DSCAML1: variants seen among roughly 807,000 people sequenced by gnomAD.
The protein encoded by DSCAML1 is cell adhesion molecule DSCAML1.
A neutral mutation model predicts 200.5 loss-of-function variants in DSCAML1; 38 were observed. The ratio of observed to expected loss-of-function variants is 0.19; its 90% confidence interval spans 0.15 to 0.25. The LOEUF (loss-of-function observed/expected upper bound fraction) is 0.25. DSCAML1 is among the 10% of genes least tolerant of loss of function. The pLI, the probability that DSCAML1 is intolerant of heterozygous loss-of-function variation, is 1.00. For missense variants in DSCAML1, 2,223 were observed against 2,858.8 expected (o/e 0.78, Z 5.07); for synonymous variants, 1,215 against 1,165.0 (o/e 1.04, Z -0.87).
chr11:117,428,135 A>C lies in DSCAML1; in HGVS notation c.*193T>G. On this transcript the variant is annotated 3_prime_UTR_variant, in exon 33 of 33. Transcript: ENST00000651296. ...GTCAAATTCTTTGTGCCCTGGCTTC[A>C]TGGAGAAGAAGAAAATAGTTTCATT... The C allele has an allele frequency of 1.9e-6, 1 of 514,454 alleles. No homozygotes were observed. Among genetic ancestry groups the C allele is most frequent in the Non-Finnish European group, 3.4e-6 (1 of 291,604 alleles). 31.9% of individuals were successfully genotyped at this position (514,454 alleles called of 1,614,324 possible). A position where few individuals can be genotyped will look rare whatever the true frequency, so the allele number is the denominator to read the frequency against.
At chr11:117,779,356 C>T (rs1193215698) in intron 2 of DSCAML1, among the ~76,000 whole-genome samples, 2 of 152,094 alleles carry the variant, frequency 1.3e-5, no homozygotes, top group African/African-American at 2.4e-5. Flanking sequence ...CTTGGCCTCC[C>T]GACATAATCC....
intron 14 of DSCAML1, among the ~76,000 whole-genome samples, chr11:117,475,426 C>T (rs1565718350): frequency 6.6e-6 from 1 of 152,186 alleles, no homozygotes. Flanking sequence ...CTCACCTCCC[C>T]AGCCTTATCT....
chr11:117,735,673 T>C lies in DSCAML1; in HGVS notation c.511+41118A>G, dbSNP rs570414499. ...CGAGGACCTCACATCTGTCTGCTCA[T>C]ACAAAATGAAAGAGGTTTTGAAAAA... is the stretch of plus-strand genomic sequence containing the variant. On this transcript the variant is annotated intron_variant, in intron 3 of 32. Transcript: ENST00000651296. Among the ~76,000 whole-genome samples, 18 of 152,328 alleles carry C rather than the reference T, an allele frequency of 1.2e-4. No homozygotes were observed. The East Asian group carries it at 2.7e-3, about 23-fold the overall frequency.
At chr11:117,595,389 A>G (rs1168676609) in intron 3 of DSCAML1, among the ~76,000 whole-genome samples, 1 of 152,246 alleles carries the variant, frequency 6.6e-6, no homozygotes, top group African/African-American at 2.4e-5. Context: ...TAGACTTGGT[A>G]TATTTCCTTT....
chr11:117,727,138 G>A (rs1336921058), intron 3 of DSCAML1, among the ~76,000 whole-genome samples: 1 of 152,168 alleles, frequency 6.6e-6, no homozygotes, highest in Non-Finnish European at 1.5e-5. Flanking sequence ...AAGGATGGAG[G>A]TAGGGAGAGG....
intron 3 of DSCAML1, among the ~76,000 whole-genome samples, chr11:117,710,521 G>T (rs1379915927): frequency 1.3e-5 from 2 of 152,170 alleles, no homozygotes; most frequent in African/African-American, 4.8e-5. Flanking sequence ...TTTATCCTTA[G>T]GGACTAGCAC....
intron 16 of DSCAML1, among the ~76,000 whole-genome samples, chr11:117,468,009 C>T (rs1250455304): frequency 6.6e-6 from 1 of 152,176 alleles, no homozygotes; most frequent in East Asian, 1.9e-4. Flanking sequence ...CATGCAGGCA[C>T]ACCCCAATCT....
intron 3 of DSCAML1, among the ~76,000 whole-genome samples, chr11:117,732,394 A>G (rs1485904875): frequency 6.6e-6 from 1 of 152,150 alleles, no homozygotes; most frequent in Admixed American, 6.5e-5. Flanking sequence ...CACCTATTTC[A>G]CACACCGAGT....
chr11:117,682,690 G>A (rs1313799776), intron 3 of DSCAML1, among the ~76,000 whole-genome samples: 1 of 136,870 alleles, frequency 7.3e-6, no homozygotes, highest in Non-Finnish European at 1.5e-5. Flanking sequence ...CAGCTGGTAG[G>A]TGAAACTTAC....
chr11:117,646,208 A>G (rs77957344), intron 3 of DSCAML1, among the ~76,000 whole-genome samples: 46 of 150,100 alleles, frequency 3.1e-4, no homozygotes, highest in African/African-American at 1.1e-3. Context: ...TTTTTTTTTT[A>G]TTGCAAAAAT....
At chr11:117,540,316 G>C (rs1289136213) in intron 3 of DSCAML1, among the ~76,000 whole-genome samples, 1 of 152,126 alleles carries the variant, frequency 6.6e-6, no homozygotes, top group African/African-American at 2.4e-5. Flanking sequence ...TGTGAACTGT[G>C]CCTGCGAGGG....
chr11:117,440,920 CAAAAAA>C (rs1170541792), intron 21 of DSCAML1, among the ~76,000 whole-genome samples: 7 of 41,094 alleles, frequency 1.7e-4, no homozygotes, highest in Non-Finnish European at 3.2e-4. Context: ...GACTCTGTCT[CAAAAAA>C]AAAAAAAAAA....
intron 3 of DSCAML1, among the ~76,000 whole-genome samples, chr11:117,728,124 ACAT>A (rs2137811104): frequency 6.6e-6 from 1 of 152,368 alleles, no homozygotes; most frequent in Non-Finnish European, 1.5e-5. Context: ...AGCTGGTTTA[ACAT>A]CAGAAAATCC....
rs990886077 is a variant in DSCAML1, at chr11:117,674,237, G to A, written c.511+102554C>T. 3.3e-5 allele frequency among the ~76,000 whole-genome samples: 5 copies of A among 152,316 alleles called. No homozygotes were observed. In the South Asian group the frequency reaches 6.2e-4, roughly 19 times the overall value. ...CTGGTGTGTGCCTGGCAGGTGCTGT[G>A]GATAGCACCTGGGACATAGCTGGTG... On this transcript the variant is annotated intron_variant, in intron 3 of 32. Coordinates refer to ENST00000651296, the MANE Select transcript of DSCAML1 (RefSeq NM_020693.4).
At chr11:117,672,913 T>C (rs2053140963) in intron 3 of DSCAML1, among the ~76,000 whole-genome samples, 1 of 152,204 alleles carries the variant, frequency 6.6e-6, no homozygotes, top group East Asian at 1.9e-4. Flanking sequence ...AAGTAAAACA[T>C]TTGGGTGTGC....
At chr11:117,436,981 C>G in intron 26 of DSCAML1, 141 bp downstream of exon 26, 1 of 1,229,518 alleles carries the variant, frequency 8.1e-7, no homozygotes. Context: ...GCCCCTTCAC[C>G]TGCAGGCCAG....
At chr11:117,530,408 A>C (rs925888507) in intron 4 of DSCAML1, among the ~76,000 whole-genome samples, 4 of 152,142 alleles carry the variant, frequency 2.6e-5, no homozygotes, top group African/African-American at 9.7e-5. Context: ...GCAAAACACC[A>C]TACACACAAG....
chr11:117,525,016 G>T lies in DSCAML1; in HGVS notation c.726C>A (p.Thr242=). 6.2e-7 allele frequency: 1 copy of T among 1,604,670 alleles called. No homozygotes were observed. The highest frequency in any genetic ancestry group is 2.3e-5 in the East Asian group (1 of 44,434). The part of the protein sequence containing the change: ...FHSQEVWAGH[T]VELPCTASGY... ...CCGAGGCGGTGCAGGGCAGCTCCAC[G>T]GTGTGGCCGGCCCACACTTCCTGGG... is the stretch of plus-strand genomic sequence containing the variant. Residue 242 remains threonine (T), a synonymous_variant, in exon 5 of 33, where the codon ACC becomes ACA. Transcript: ENST00000651296.
At chr11:117,452,466 T>C (rs2048300813) in intron 19 of DSCAML1, among the ~76,000 whole-genome samples, 1 of 152,206 alleles carries the variant, frequency 6.6e-6, no homozygotes, top group African/African-American at 2.4e-5. Flanking sequence ...ATTTTTTCCA[T>C]TCATGTTGAA....
Sources: gnomAD v4.1 joint callset for allele counts (sites outside exome capture counted in the v4.1 genomes callset) on GRCh38, gnomAD v4.1.1 for gene constraint, MANE v1.5 for transcripts, NCBI Gene and HGNC (gene_info 2026-07-23, HGNC 2026-07-21) for gene names.